LY9: variants seen among roughly 807,000 people sequenced by gnomAD.
LY9 encodes the protein T-lymphocyte surface antigen Ly-9.
Under a neutral mutation model 64.6 loss-of-function variants are expected in LY9, and 59 were observed. The observed-to-expected ratio is 0.91, with a 90% CI of 0.74 to 1.13. The LOEUF (loss-of-function observed/expected upper bound fraction) is 1.13, where lower values mean the gene tolerates loss of function less well. Ranked by LOEUF, LY9 falls within the 50% of genes most tolerant of loss-of-function variation. LY9 has a pLI of 0.00. For missense variants in LY9, 789 were observed against 797.2 expected, an observed-to-expected ratio of 0.99 and a Z score of 0.12; for synonymous variants, 281 against 308.5, an observed-to-expected ratio of 0.91 and a Z score of 0.93.
intron 2 of LY9, chr1:160,800,349 C>T: frequency 2.8e-6 from 1 of 362,960 alleles, no homozygotes; most frequent in South Asian, 3.9e-5. Context: ...CCACCCACTC[C>T]CCACACTCAC....
At chr1:160,811,994 C>G (rs1667512647) in intron 2 of LY9, 1 of 152,216 alleles carries the variant, frequency 6.6e-6, no homozygotes, top group South Asian at 2.1e-4. Flanking sequence ...AGAGCTTCAT[C>G]CCACTTCTGG....
chr1:160,810,925 G>A (rs1162524048), intron 2 of LY9: 1 of 152,172 alleles, frequency 6.6e-6, no homozygotes, highest in Non-Finnish European at 1.5e-5. Context: ...AGAGACATTG[G>A]GAAGAAGAAA....
intron 2 of LY9, among the ~76,000 whole-genome samples, chr1:160,806,323 C>T (rs558510333): frequency 6.6e-6 from 1 of 152,130 alleles, no homozygotes; most frequent in South Asian, 2.1e-4. Context: ...TCTCTTCACC[C>T]TTTGTGTGAT....
intron 2 of LY9, among the ~76,000 whole-genome samples, chr1:160,807,285 G>A (rs2101769022): frequency 6.6e-6 from 1 of 152,206 alleles, no homozygotes; most frequent in East Asian, 1.9e-4. Flanking sequence ...CTTTGATTCT[G>A]GGTGCATGCA....
intron 2 of LY9, among the ~76,000 whole-genome samples, chr1:160,807,124 T>C (rs1667057760): frequency 6.6e-6 from 1 of 152,246 alleles, no homozygotes. Flanking sequence ...TTGTCATTCA[T>C]ATCCAAAATT....
intron 2 of LY9, among the ~76,000 whole-genome samples, chr1:160,806,706 TC>T (rs2101766883): frequency 1.3e-5 from 2 of 152,344 alleles, no homozygotes; most frequent in Middle Eastern, 6.8e-3. Flanking sequence ...GTCATGGAGA[TC>T]TTTTTGCATT....
chr1:160,798,478 A>C (rs1002626242), intron 1 of LY9, among the ~76,000 whole-genome samples: 2 of 152,250 alleles, frequency 1.3e-5, no homozygotes, highest in African/African-American at 4.8e-5. Flanking sequence ...AATCGTAAGC[A>C]GTCTCTTCCA....
At chr1:160,798,052 G>A (rs905735814) in intron 1 of LY9, among the ~76,000 whole-genome samples, 2 of 152,146 alleles carry the variant, frequency 1.3e-5, no homozygotes, top group African/African-American at 2.4e-5. Context: ...AAAATAAAAT[G>A]ACTGGTACTG....
At position 160,813,693 on chromosome 1, in the gene LY9, C is replaced by T. The variant is rs200061232; in HGVS notation, c.512C>T (p.Ser171Phe). ...MKSVKVSENF[S>F]CNITLMCSVK... ...TCTGTGAAGGTGTCTGAGAACTTCT[C>T]CTGTAACATCACTCTAATGTGCTCC... The change falls in exon 3 of 10, where the codon TCC becomes TTC. Residue 171 changes from serine (S) to phenylalanine (F), a missense_variant. Transcript: ENST00000263285. 1.9e-5 allele frequency: 30 copies of T among 1,608,658 alleles called. No homozygotes were observed. Among genetic ancestry groups the T allele is most frequent in the Non-Finnish European group, 2.2e-5 (26 of 1,179,694 alleles).
At chr1:160,818,879 G>A (rs1295991830) in intron 6 of LY9, among the ~76,000 whole-genome samples, 1 of 152,180 alleles carries the variant, frequency 6.6e-6, no homozygotes, top group Non-Finnish European at 1.5e-5. Context: ...CCCAAGTTAA[G>A]GTCATGTGGC....
In LY9 at chr1:160,827,762, A is replaced by G. The variant is rs1668938097; in HGVS notation, c.1914A>G (p.Pro638=). 1 of 1,610,274 alleles carries G rather than the reference A, an allele frequency of 6.2e-7. No homozygotes were observed. Among genetic ancestry groups the G allele is most frequent in the Non-Finnish European group, 8.5e-7 (1 of 1,178,516 alleles). Residue 638 remains proline (P), a synonymous_variant, in exon 10 of 10, where the codon CCA becomes CCG. Coordinates refer to ENST00000263285, the MANE Select transcript of LY9 (RefSeq NM_002348.4). ...TTGGCTCACAGGTGGTGCCACCACC[A>G]CAACAGAATGATCTTGAGATTCCTG... The part of the protein sequence containing the change: ...SIRKPQVVPP[P]QQNDLEIPES...
chr1:160,825,177 T>C (rs2101840908), intron 9 of LY9, among the ~76,000 whole-genome samples: 1 of 150,934 alleles, frequency 6.6e-6, no homozygotes, highest in African/African-American at 2.4e-5. Flanking sequence ...CACTGAAATC[T>C]AGCCTGGGTG....
chr1:160,801,676 A>G (rs978187933), intron 2 of LY9: 20 of 759,638 alleles, frequency 2.6e-5, no homozygotes, highest in African/African-American at 3.5e-5. Context: ...TAGTATTTTT[A>G]TAGTTTCAGG....
chr1:160,799,327 T>C (rs1666213663), intron 1 of LY9: 1 of 163,430 alleles, frequency 6.1e-6, no homozygotes, highest in East Asian at 1.8e-4. Flanking sequence ...CCCACCCATA[T>C]TTTTAAAAAT....
At position 160,824,152 on chromosome 1, in the gene LY9, AG is replaced by A. The variant is rs76313878; in HGVS notation, c.1831-26del. On this transcript the variant is annotated intron_variant, in intron 8 of 9. Coordinates refer to ENST00000263285, the MANE Select transcript of LY9 (RefSeq NM_002348.4). ...ACTGAAAAGCTCTCATGTGGTCACT[AG>A]GGCTCATCTGCTGTTGGTGTGTTAC... 5.0e-6 allele frequency: 8 copies of A among 1,613,936 alleles called. No individual in the cohort carries two copies. In the East Asian group the frequency reaches 1.8e-4, roughly 36 times the overall value.
At position 160,828,059 on chromosome 1, in the gene LY9, T is replaced by C. The variant is rs1668954627; in HGVS notation, c.*243T>C. 1 of 323,202 alleles carries C rather than the reference T, an allele frequency of 3.1e-6. No individual in the cohort carries two copies. Among genetic ancestry groups the C allele is most frequent in the Non-Finnish European group, 5.7e-6 (1 of 174,976 alleles). The allele number at this position is 323,202 out of a possible 1,614,324, so 20.0% of individuals were successfully genotyped here. A position where few individuals can be genotyped will look rare whatever the true frequency, so the allele number is the denominator to read the frequency against. ...AGATGTCTTTGCCCCATTTGTCACC[T>C]CGCACACTTATAGCGTTTCCTCCTC... On this transcript the variant is annotated 3_prime_UTR_variant, in exon 10 of 10. Transcript: ENST00000263285.
At chr1:160,821,671 T>G (rs1668459976) in intron 7 of LY9, among the ~76,000 whole-genome samples, 1 of 152,202 alleles carries the variant, frequency 6.6e-6, no homozygotes, top group Admixed American at 6.5e-5. Flanking sequence ...TATAACCAAG[T>G]GGTCAAGTGT....
At chr1:160,817,021 T>C (rs1668013648) in intron 5 of LY9, among the ~76,000 whole-genome samples, 158 bp downstream of exon 5, 1 of 152,214 alleles carries the variant, frequency 6.6e-6, no homozygotes, top group Non-Finnish European at 1.5e-5. Context: ...GCATGTGATT[T>C]TAATGTTCTA....
At position 160,827,893 on chromosome 1, in the gene LY9, C is replaced by T. The variant is rs1167866614; in HGVS notation, c.*77C>T. 1.9e-5 allele frequency: 23 copies of T among 1,204,768 alleles called. No homozygotes were observed. In the East Asian group the frequency reaches 2.6e-4, roughly 14 times the overall value. 74.6% of individuals were successfully genotyped at this position (1,204,768 alleles called of 1,614,324 possible). On this transcript the variant is annotated 3_prime_UTR_variant, in exon 10 of 10. Coordinates refer to ENST00000263285, the MANE Select transcript of LY9 (RefSeq NM_002348.4). The stretch of plus-strand genomic sequence containing the variant: ...GCTGGACCTCATGGGGCCTGGGGCT[C>T]ACAGACAGAAGCACCTCAGAATTTC...
Sources: allele counts gnomAD v4.1 joint callset (sites outside exome capture counted in the v4.1 genomes callset), GRCh38; gene constraint gnomAD v4.1.1; transcripts MANE v1.5; gene names NCBI Gene and HGNC (gene_info 2026-07-23, HGNC 2026-07-21).